LTBP1: variants seen among roughly 807,000 people sequenced by gnomAD.
LTBP1 encodes the protein latent transforming growth factor beta binding protein 1, also known as latent-transforming growth factor beta-binding protein 1.
A neutral mutation model predicts 207.6 loss-of-function variants in LTBP1; 129 were observed. The ratio of observed to expected loss-of-function variants is 0.62; its 90% CI spans 0.54 to 0.72. LTBP1 has a LOEUF of 0.72. LTBP1 is among the 30% of genes least tolerant of loss of function. The pLI, the probability that LTBP1 is intolerant of heterozygous loss-of-function variation, is 0.00. For synonymous variants in LTBP1, 963 were observed against 833.7 expected, an observed-to-expected ratio of 1.16 and a Z score of -2.67; for missense variants, 2,281 against 2,217.2, an observed-to-expected ratio of 1.03 and a Z score of -0.58.
intron 7 of LTBP1, among the ~76,000 whole-genome samples, chr2:33,204,068 A>C (rs2089618828): frequency 6.6e-6 from 1 of 152,222 alleles, no homozygotes; most frequent in Non-Finnish European, 1.5e-5. Flanking sequence ...TACTAAAAAA[A>C]TCAGTCCTCT....
At chr2:33,052,567 A>C (rs944944460) in intron 3 of LTBP1, among the ~76,000 whole-genome samples, 1 of 152,232 alleles carries the variant, frequency 6.6e-6, no homozygotes, top group African/African-American at 2.4e-5. Flanking sequence ...TTTTGTTGGC[A>C]ATAAACTTAT....
intron 3 of LTBP1, among the ~76,000 whole-genome samples, chr2:33,026,161 A>G (rs2075403564): frequency 1.3e-5 from 2 of 152,188 alleles, no homozygotes; most frequent in Non-Finnish European, 2.9e-5. Flanking sequence ...GTCTGAACTT[A>G]TTAAAGGATC....
At chr2:33,082,353 G>A (rs1468040880) in intron 3 of LTBP1, among the ~76,000 whole-genome samples, 2 of 150,352 alleles carry the variant, frequency 1.3e-5, no homozygotes, top group Admixed American at 1.3e-4. Context: ...TGTTATAGCA[G>A]CACAAACAGA....
rs376799773 is a variant in LTBP1 at position 33,289,363 on chromosome 2, T to G, written c.3113-3797T>G. On this transcript the variant is annotated intron_variant, in intron 19 of 33. Coordinates refer to ENST00000404816, the MANE Select transcript of LTBP1 (RefSeq NM_206943.4). ...TGAGATTTAGAATCCATTTTTCTTT[T>G]CTTTCTTTTTTTATTTTTTAAAGTG... Among the ~76,000 whole-genome samples the G allele has an allele frequency of 3.1e-4, 47 of 152,316 alleles. No individual in the cohort carries two copies. In the South Asian group the frequency reaches 8.5e-3, roughly 28 times the overall value.
chr2:33,328,800 G>A (rs1232343640), intron 24 of LTBP1, among the ~76,000 whole-genome samples: 2 of 152,152 alleles, frequency 1.3e-5, no homozygotes, highest in Non-Finnish European at 2.9e-5. Flanking sequence ...ACTCCTTTGT[G>A]TCTGGCTTCT....
At chr2:33,095,070 G>A (rs2079315186) in intron 3 of LTBP1, among the ~76,000 whole-genome samples, 1 of 151,886 alleles carries the variant, frequency 6.6e-6, no homozygotes, top group African/African-American at 2.4e-5. Flanking sequence ...AACAAAGAAT[G>A]GTTTTATTCT....
chr2:33,003,111 T>C (rs1490881112), intron 2 of LTBP1, among the ~76,000 whole-genome samples: 2 of 152,144 alleles, frequency 1.3e-5, no homozygotes, highest in South Asian at 2.1e-4. Context: ...TTGAGGTGGG[T>C]TCTGTTAAAA....
At chr2:33,169,758 C>CATAAA (rs912302124) in intron 5 of LTBP1, among the ~76,000 whole-genome samples, 10 of 152,050 alleles carry the variant, frequency 6.6e-5, no homozygotes, top group Non-Finnish European at 1.2e-4. Context: ...GTTTATGATC[C>CATAAA]ATAAAAACCA....
Position 33,287,726 on chromosome 2 carries a change from G to A in LTBP1, c.3113-5434G>A, listed in dbSNP as rs137936037. Among the ~76,000 whole-genome samples, 265 of 152,364 alleles carry A rather than the reference G, an allele frequency of 1.7e-3. 1 individual carries two copies. The highest frequency in any genetic ancestry group is 6.0e-3 in the African/African-American group (249 of 41,594). ...GGTTCTTCTCCAGTTCTGCAAAGCC[G>A]TGATGATTCTTTGAGGATTATGTAA... On this transcript the variant is annotated intron_variant, in intron 19 of 33. Transcript: ENST00000404816.
intron 3 of LTBP1, among the ~76,000 whole-genome samples, chr2:33,027,898 A>T (rs890026599): frequency 1.3e-5 from 2 of 152,226 alleles, no homozygotes; most frequent in African/African-American, 2.4e-5. Flanking sequence ...GCCCAACTGG[A>T]TATAGCAGTA....
chr2:33,325,750 A>T (rs1402013705), intron 24 of LTBP1, among the ~76,000 whole-genome samples: 1 of 152,230 alleles, frequency 6.6e-6, no homozygotes, highest in African/African-American at 2.4e-5. Context: ...GTTTCTGAAC[A>T]TCGTGGAATT....
At chr2:33,141,457 A>C (rs2082640086) in intron 5 of LTBP1, among the ~76,000 whole-genome samples, 1 of 152,258 alleles carries the variant, frequency 6.6e-6, no homozygotes, top group South Asian at 2.1e-4. Flanking sequence ...TTATAAAAAC[A>C]CATTTTAAAA....
At chr2:33,252,112 C>T (rs2149949132) in intron 10 of LTBP1, among the ~76,000 whole-genome samples, 1 of 152,254 alleles carries the variant, frequency 6.6e-6, no homozygotes, top group South Asian at 2.1e-4. Flanking sequence ...GAACAGGGGC[C>T]TTGTGTGGCA....
At chr2:33,173,028 A>G (rs2085625596) in intron 5 of LTBP1, among the ~76,000 whole-genome samples, 2 of 152,196 alleles carry the variant, frequency 1.3e-5, no homozygotes, top group Non-Finnish European at 2.9e-5. Flanking sequence ...AATTTATAGC[A>G]CTAAATGTCC....
At chr2:33,124,296 G>A (rs1014572836) in intron 4 of LTBP1, among the ~76,000 whole-genome samples, 4 of 152,132 alleles carry the variant, frequency 2.6e-5, no homozygotes, top group African/African-American at 9.7e-5. Context: ...TGTAATCCCA[G>A]CTACTTGGGA....
intron 3 of LTBP1, among the ~76,000 whole-genome samples, chr2:33,039,028 C>T (rs902509733): frequency 6.6e-6 from 1 of 152,202 alleles, no homozygotes; most frequent in Non-Finnish European, 1.5e-5. Context: ...GTTGTGAAAT[C>T]TCATCTCCTG....
intron 24 of LTBP1, among the ~76,000 whole-genome samples, chr2:33,323,494 C>T (rs1406785118): frequency 6.6e-6 from 1 of 152,076 alleles, no homozygotes; most frequent in South Asian, 2.1e-4. Context: ...AAAAATTACC[C>T]AGATGTGGTG....
intron 15 of LTBP1, among the ~76,000 whole-genome samples, chr2:33,267,606 T>C (rs1008370793): frequency 6.6e-6 from 1 of 152,142 alleles, no homozygotes; most frequent in Non-Finnish European, 1.5e-5. Flanking sequence ...TTTATAGTAA[T>C]GTTAAAAAGA....
chr2:33,179,968 T>TAA (rs2086453246), intron 5 of LTBP1, among the ~76,000 whole-genome samples: 1 of 152,208 alleles, frequency 6.6e-6, no homozygotes, highest in African/African-American at 2.4e-5. Context: ...CCCTGCCTCT[T>TAA]ACACTCCAGC....
Sources: allele counts gnomAD v4.1 joint callset (sites outside exome capture counted in the v4.1 genomes callset), GRCh38; gene constraint gnomAD v4.1.1; transcripts MANE v1.5; gene names NCBI Gene and HGNC (gene_info 2026-07-23, HGNC 2026-07-21).